The following MICU1 variants were observed in gnomAD, a reference collection of about 807,000 sequenced individuals.
MICU1 encodes the protein calcium uptake protein 1, mitochondrial.
MICU1 carries 45 observed loss-of-function variants against 56.8 expected under a neutral mutation model. The observed-to-expected ratio is 0.79, with a 90% CI of 0.62 to 1.02. The LOEUF is 1.02. Among genes scored for constraint, MICU1 ranks in the 50% least tolerant of loss-of-function variants. The pLI is 0.00. For missense variants in MICU1, 504 were observed against 587.1 expected (o/e 0.86, Z 1.46); for synonymous variants, 186 against 195.1 (o/e 0.95, Z 0.39).
At chr10:72,423,822 A>T (rs1864257357) in intron 8 of MICU1, among the ~76,000 whole-genome samples, 2 of 152,240 alleles carry the variant, frequency 1.3e-5, no homozygotes, top group African/African-American at 2.4e-5. Flanking sequence ...TCTTCTAAAA[A>T]ATTCATAAAG....
chr10:72,432,376 C>T (rs1426561671), intron 8 of MICU1, among the ~76,000 whole-genome samples: 1 of 152,184 alleles, frequency 6.6e-6, no homozygotes, highest in African/African-American at 2.4e-5. Context: ...GTGATCCTCC[C>T]ACTTTGGCCT....
Position 72,367,947 on chromosome 10 carries a change from A to T in MICU1, c.*248T>A. The T allele has an allele frequency of 4.6e-6, 2 of 431,210 alleles. No homozygotes were observed. The highest frequency in any genetic ancestry group is 8.3e-6 in the Non-Finnish European group (2 of 241,096). 26.7% of individuals were successfully genotyped at this position (431,210 alleles called of 1,614,324 possible). A position where few individuals can be genotyped will look rare whatever the true frequency, so the allele number is the denominator to read the frequency against. On this transcript the variant is annotated 3_prime_UTR_variant, in exon 12 of 12. Coordinates refer to ENST00000361114, the MANE Select transcript of MICU1 (RefSeq NM_001195518.2). ...AATGGGTGGTGCTGTTGAGGCTGAC[A>T]AATGTCTGAGCTTTACAGACTTGTT...
intron 5 of MICU1, among the ~76,000 whole-genome samples, chr10:72,523,442 G>A (rs866997055): frequency 1.9e-4 from 29 of 152,140 alleles, no homozygotes; most frequent in Non-Finnish European, 5.9e-5. Flanking sequence ...TGCAGTTAAA[G>A]ACAAAGGTAT....
intron 1 of MICU1, among the ~76,000 whole-genome samples, chr10:72,589,321 GA>G (rs1239542539): frequency 6.6e-6 from 1 of 152,094 alleles, no homozygotes; most frequent in African/African-American, 2.4e-5. Flanking sequence ...AATGGTAGTG[GA>G]AATCTCAGTT....
At chr10:72,588,075 G>A (rs141375371) in intron 1 of MICU1, among the ~76,000 whole-genome samples, 4 of 152,152 alleles carry the variant, frequency 2.6e-5, no homozygotes, top group African/African-American at 9.6e-5. Flanking sequence ...ACTGGATCAC[G>A]GGGGGCAGAT....
chr10:72,524,150 T>C (rs1180606122), intron 5 of MICU1, among the ~76,000 whole-genome samples: 1 of 152,142 alleles, frequency 6.6e-6, no homozygotes, highest in Non-Finnish European at 1.5e-5. Context: ...AGAGACAGGG[T>C]CTCACTCTGT....
intron 8 of MICU1, among the ~76,000 whole-genome samples, chr10:72,447,118 C>A (rs1032343594): frequency 4.4e-4 from 67 of 152,160 alleles, no homozygotes; most frequent in African/African-American, 1.6e-3. Context: ...ATTATAACCT[C>A]TTTTTGCCCG....
At chr10:72,397,350 G>A (rs1454552776) in intron 10 of MICU1, among the ~76,000 whole-genome samples, 7 of 152,122 alleles carry the variant, frequency 4.6e-5, no homozygotes, top group Non-Finnish European at 8.8e-5. Flanking sequence ...AAAGACCATC[G>A]ATGCTATGAA....
chr10:72,547,159 C>G (rs542074239), intron 4 of MICU1, among the ~76,000 whole-genome samples: 1 of 152,188 alleles, frequency 6.6e-6, no homozygotes, highest in African/African-American at 2.4e-5. Context: ...TCCCAAAGTG[C>G]TGGGATTACA....
chr10:72,458,824 C>T (rs1272505000), intron 8 of MICU1, among the ~76,000 whole-genome samples: 1 of 151,598 alleles, frequency 6.6e-6, no homozygotes, highest in African/African-American at 2.4e-5. Context: ...GATCCAACCA[C>T]CTCAGCCTCC....
intron 10 of MICU1, among the ~76,000 whole-genome samples, chr10:72,405,982 G>T (rs1284023931): frequency 6.6e-6 from 1 of 151,474 alleles, no homozygotes; most frequent in African/African-American, 2.4e-5. Context: ...TATTGGTGGG[G>T]TAAGCAAGTG....
chr10:72,367,976 GT>G lies in MICU1; in HGVS notation c.*218del. On this transcript the variant is annotated 3_prime_UTR_variant, in exon 12 of 12. Transcript: ENST00000361114. ...GTCTGAGCTTTACAGACTTGTTCAT[GT>G]TTTTGAGAACCTATGGGGATACTCA... 1 of 486,362 alleles carries G rather than the reference GT, an allele frequency of 2.1e-6. No individual in the cohort carries two copies. The highest frequency in any genetic ancestry group is 4.3e-5 in the South Asian group (1 of 23,290). 30.1% of individuals were successfully genotyped at this position (486,362 alleles called of 1,614,324 possible). A position where few individuals can be genotyped will look rare whatever the true frequency, so the allele number is the denominator to read the frequency against.
intron 4 of MICU1, 52 bp downstream of exon 4, chr10:72,551,127 A>G: frequency 6.6e-7 from 1 of 1,506,216 alleles, no homozygotes; most frequent in Non-Finnish European, 8.9e-7. Context: ...GAGACAAAGT[A>G]GCCTATAACA....
At chr10:72,471,807 G>A (rs1865960194) in intron 8 of MICU1, among the ~76,000 whole-genome samples, 1 of 152,084 alleles carries the variant, frequency 6.6e-6, no homozygotes, top group South Asian at 2.1e-4. Context: ...CTTGAACCCT[G>A]GTACATACTA....
intron 4 of MICU1, among the ~76,000 whole-genome samples, chr10:72,546,094 A>G (rs1338420900): frequency 2.0e-5 from 3 of 152,158 alleles, no homozygotes; most frequent in Non-Finnish European, 4.4e-5. Context: ...GGAGGGGTCC[A>G]TTCAATCACC....
intron 4 of MICU1, among the ~76,000 whole-genome samples, chr10:72,550,284 G>A (rs1251723864): frequency 6.6e-6 from 1 of 152,038 alleles, no homozygotes; most frequent in Middle Eastern, 3.2e-3. Flanking sequence ...ATTGCCTACT[G>A]TATTCAGTAC....
At chr10:72,540,200 G>C (rs58738221) in intron 4 of MICU1, among the ~76,000 whole-genome samples, 4 of 151,474 alleles carry the variant, frequency 2.6e-5, no homozygotes, top group African/African-American at 9.7e-5. Flanking sequence ...CCAGGAGATG[G>C]AGGTTGCAGT....
At chr10:72,383,855 G>A (rs1401130726) in intron 10 of MICU1, among the ~76,000 whole-genome samples, 2 of 152,034 alleles carry the variant, frequency 1.3e-5, no homozygotes, top group East Asian at 1.9e-4. Flanking sequence ...CTAGAGTGCT[G>A]TGGCAAGATC....
rs915433 is a variant in MICU1, at chr10:72,475,474, T to G, written c.736-177A>C. Among the ~76,000 whole-genome samples the G allele has an allele frequency of 0.67, 101,188 of 151,284 alleles. 35,194 individuals carry two copies. Among genetic ancestry groups the G allele is most frequent in the African/African-American group, 0.82 (33,785 of 41,174 alleles). On this transcript the variant is annotated intron_variant, in intron 7 of 11. Coordinates refer to ENST00000361114, the MANE Select transcript of MICU1 (RefSeq NM_001195518.2). Reference sequence around the variant, plus strand: ...GACAGAGTCTCTCTCTGTCACCCAGTCTGGAGTGCAGTGGTACAAAATCAG... The same window carrying G: ...GACAGAGTCTCTCTCTGTCACCCAGGCTGGAGTGCAGTGGTACAAAATCAG...
Sources: allele counts gnomAD v4.1 joint callset (sites outside exome capture counted in the v4.1 genomes callset), GRCh38; gene constraint gnomAD v4.1.1; transcripts MANE v1.5; gene names NCBI Gene and HGNC (gene_info 2026-07-23, HGNC 2026-07-21).